DLGAP2: variants seen among roughly 807,000 people sequenced by gnomAD.
DLGAP2 encodes the protein disks large-associated protein 2.
In DLGAP2, 26 loss-of-function variants were observed where a neutral mutation model predicts 100.3. The ratio of observed to expected loss-of-function variants is 0.26; its 90% confidence interval spans 0.19 to 0.36. The LOEUF (loss-of-function observed/expected upper bound fraction) is 0.36, where lower values mean the gene tolerates loss of function less well. Among genes scored for constraint, DLGAP2 ranks in the 10% least tolerant of loss-of-function variants. The probability of loss-of-function intolerance (pLI) is 1.00; values close to 1 mark genes in which losing one functional copy is unlikely to be tolerated. For synonymous variants in DLGAP2, 886 were observed against 630.1 expected, an observed-to-expected ratio of 1.41 and a Z score of -6.08; for missense variants, 1,858 against 1,453.2, an observed-to-expected ratio of 1.28 and a Z score of -4.53.
At chr8:1,509,068 C>T (rs1049593358) in intron 4 of DLGAP2, among the ~76,000 whole-genome samples, 1 of 152,050 alleles carries the variant, frequency 6.6e-6, no homozygotes, top group Non-Finnish European at 1.5e-5. Context: ...CACGGTGGCT[C>T]ACGCCTGTAA....
At chr8:1,588,764 GA>G (rs1475002160) in intron 6 of DLGAP2, among the ~76,000 whole-genome samples, 2 of 132,200 alleles carry the variant, frequency 1.5e-5, no homozygotes, top group Non-Finnish European at 3.2e-5. Flanking sequence ...AAAAAAAAAG[GA>G]AAAAAAATTA....
intron 2 of DLGAP2, chr8:1,002,558 C>G (rs1800989755): frequency 6.6e-6 from 1 of 152,244 alleles, no homozygotes; most frequent in Non-Finnish European, 1.5e-5. Context: ...GGCCTCCCCT[C>G]CTGGACACAG....
intron 2 of DLGAP2, among the ~76,000 whole-genome samples, chr8:1,158,733 G>A (rs747433950): frequency 1.3e-5 from 2 of 152,196 alleles, no homozygotes; most frequent in South Asian, 2.1e-4. Context: ...AGAGCCACGC[G>A]GGTCCTGGTG....
chr8:1,025,132 ATG>A (rs908875725), intron 2 of DLGAP2, among the ~76,000 whole-genome samples: 117 of 151,632 alleles, frequency 7.7e-4, no homozygotes, highest in African/African-American at 2.0e-3. Context: ...GTGCGTGTGC[ATG>A]TGTGTGTGCG....
At chr8:1,502,426 C>T (rs535126150) in intron 4 of DLGAP2, among the ~76,000 whole-genome samples, 1 of 152,266 alleles carries the variant, frequency 6.6e-6, no homozygotes, top group East Asian at 1.9e-4. Context: ...TTAAAGAAAA[C>T]TACAGCCAAA....
intron 3 of DLGAP2, among the ~76,000 whole-genome samples, chr8:1,444,004 T>C (rs948821619): frequency 3.3e-5 from 5 of 152,236 alleles, no homozygotes; most frequent in Non-Finnish European, 7.3e-5. Context: ...ATGCCAATTA[T>C]GAGTTTTCCA....
chr8:905,677 C>T (rs951950565), intron 1 of DLGAP2, among the ~76,000 whole-genome samples: 1 of 152,104 alleles, frequency 6.6e-6, no homozygotes, highest in Non-Finnish European at 1.5e-5. Flanking sequence ...TGTGTATCGT[C>T]AGAATCCAGG....
chr8:1,294,637 C>A (rs564817932), intron 3 of DLGAP2, among the ~76,000 whole-genome samples: 1 of 152,128 alleles, frequency 6.6e-6, no homozygotes. Flanking sequence ...TTTTTATTAT[C>A]TGTTACCAAA....
At chr8:1,484,265 T>C (rs922813103) in intron 3 of DLGAP2, among the ~76,000 whole-genome samples, 4 of 152,254 alleles carry the variant, frequency 2.6e-5, no homozygotes, top group Non-Finnish European at 5.9e-5. Flanking sequence ...TTGTCAGCAG[T>C]CAGACCCGTA....
At chr8:1,669,872 G>A (rs545383026) in intron 10 of DLGAP2, 88 bp downstream of exon 10, 17 of 768,954 alleles carry the variant, frequency 2.2e-5, no homozygotes, top group East Asian at 1.7e-4. Context: ...CGCTCTTGTC[G>A]CCTCTGTCCT....
intron 4 of DLGAP2, among the ~76,000 whole-genome samples, chr8:1,505,250 T>A (rs907883577): frequency 2.0e-5 from 3 of 152,362 alleles, no homozygotes; most frequent in African/African-American, 4.8e-5. Context: ...CACTTCATAA[T>A]GATCTTGATG....
At chr8:1,229,606 A>AT (rs1798492144) in intron 2 of DLGAP2, among the ~76,000 whole-genome samples, 1 of 152,110 alleles carries the variant, frequency 6.6e-6, no homozygotes, top group African/African-American at 2.4e-5. Context: ...ATTGATGAAC[A>AT]CAGATGCAAA....
chr8:1,025,286 C>T (rs1046001639), intron 2 of DLGAP2, among the ~76,000 whole-genome samples: 3 of 152,092 alleles, frequency 2.0e-5, no homozygotes, highest in Non-Finnish European at 2.9e-5. Context: ...CCTGGATCCC[C>T]GATCCTGAAT....
At chr8:1,087,504 T>C (rs1301354414) in intron 2 of DLGAP2, among the ~76,000 whole-genome samples, 1 of 152,000 alleles carries the variant, frequency 6.6e-6, no homozygotes, top group Non-Finnish European at 1.5e-5. Context: ...TCAGACATTT[T>C]GTTTAGTTGT....
chr8:1,218,079 A>G (rs945257839), intron 2 of DLGAP2, among the ~76,000 whole-genome samples: 5 of 152,092 alleles, frequency 3.3e-5, no homozygotes, highest in Non-Finnish European at 5.9e-5. Flanking sequence ...TTCTTTTTCT[A>G]TGCAGAAGCT....
intron 6 of DLGAP2, among the ~76,000 whole-genome samples, chr8:1,609,050 A>C (rs1419734213): frequency 5.6e-5 from 8 of 144,044 alleles, no homozygotes; most frequent in Non-Finnish European, 1.2e-4. Flanking sequence ...CGCCACAAAG[A>C]TACTCCTCGA....
At chr8:1,633,173 C>A in intron 8 of DLGAP2, 127 bp downstream of exon 8, 1 of 852,206 alleles carries the variant, frequency 1.2e-6, no homozygotes, top group Non-Finnish European at 1.8e-6. Flanking sequence ...GTAACGTTTC[C>A]TAATTGCATG....
intron 3 of DLGAP2, chr8:1,299,941 C>G (rs1800291189): frequency 6.6e-6 from 1 of 152,194 alleles, no homozygotes; most frequent in Non-Finnish European, 1.5e-5. Context: ...GGAGGCTGAT[C>G]AAGGCGTGGG....
intron 3 of DLGAP2, among the ~76,000 whole-genome samples, chr8:1,452,697 C>G (rs1165014168): frequency 6.6e-6 from 1 of 152,226 alleles, no homozygotes; most frequent in Non-Finnish European, 1.5e-5. Context: ...GGGTTCTGCG[C>G]TGGGCAGCTG....
Sources: allele counts gnomAD v4.1 joint callset (sites outside exome capture counted in the v4.1 genomes callset), GRCh38; gene constraint gnomAD v4.1.1; transcripts MANE v1.5; gene names NCBI Gene and HGNC (gene_info 2026-07-23, HGNC 2026-07-21).